The following SEPTIN9 variants were observed in gnomAD, a reference collection of about 807,000 sequenced individuals.
SEPTIN9 encodes the protein septin-9.
A neutral mutation model predicts 56.6 loss-of-function variants in SEPTIN9; 13 were observed. The observed-to-expected ratio is 0.23, with a 90% CI of 0.15 to 0.37. SEPTIN9 has a LOEUF of 0.37. Among genes scored for constraint, SEPTIN9 ranks in the 10% least tolerant of loss-of-function variants. The pLI is 1.00. For synonymous variants in SEPTIN9, 332 were observed against 334.1 expected, an observed-to-expected ratio of 0.99 and a Z score of 0.07; for missense variants, 650 against 823.1, an observed-to-expected ratio of 0.79 and a Z score of 2.57.
At chr17:77,468,147 C>T (rs1156818502) in intron 3 of SEPTIN9, among the ~76,000 whole-genome samples, 1 of 152,116 alleles carries the variant, frequency 6.6e-6, no homozygotes, top group East Asian at 1.9e-4. Flanking sequence ...CGCCTGTAAT[C>T]CCAGCTACTC....
At chr17:77,357,093 C>T (rs1175778207) in intron 2 of SEPTIN9, among the ~76,000 whole-genome samples, 1 of 152,078 alleles carries the variant, frequency 6.6e-6, no homozygotes, top group Non-Finnish European at 1.5e-5. Flanking sequence ...GGGGCTGACA[C>T]TCACTCAGTG....
intron 2 of SEPTIN9, among the ~76,000 whole-genome samples, chr17:77,384,184 T>G (rs2035249118): frequency 1.3e-5 from 2 of 152,206 alleles, no homozygotes; most frequent in Admixed American, 1.3e-4. Flanking sequence ...CTCCCTCTCC[T>G]GCCTGTGTTC....
At chr17:77,315,478 G>A (rs2032663283) in intron 2 of SEPTIN9, among the ~76,000 whole-genome samples, 1 of 152,124 alleles carries the variant, frequency 6.6e-6, no homozygotes, top group African/African-American at 2.4e-5. Flanking sequence ...AGTAGAGACG[G>A]GGTTTCACCA....
chr17:77,294,111 A>AC (rs1162527247), intron 1 of SEPTIN9, among the ~76,000 whole-genome samples: 1 of 150,856 alleles, frequency 6.6e-6, no homozygotes, highest in African/African-American at 2.4e-5. Flanking sequence ...CTCAAAAAAA[A>AC]AAAAAAAACA....
intron 3 of SEPTIN9, among the ~76,000 whole-genome samples, chr17:77,416,010 G>A (rs1449889927): frequency 6.6e-6 from 1 of 152,214 alleles, no homozygotes; most frequent in African/African-American, 2.4e-5. Context: ...TTTCAATATC[G>A]AAATGATGCA....
intron 2 of SEPTIN9, chr17:77,320,491 G>T: frequency 1.3e-6 from 1 of 778,850 alleles, no homozygotes; most frequent in Non-Finnish European, 2.2e-6. Context: ...ACGGTTCCAA[G>T]CTCGTGGGAT....
At position 77,455,328 on chromosome 17, in the gene SEPTIN9, G is replaced by A. The variant is rs7208152; in HGVS notation, c.722-26816G>A. ...ATGGCCTTCAGGAAGGGGGCCCTTC[G>A]CTCTCTGTCCCGTCGAGCCTGGCTG... On this transcript the variant is annotated intron_variant, in intron 3 of 11. Transcript: ENST00000427177. Among the ~76,000 whole-genome samples, 813 of 152,292 alleles carry A rather than the reference G, an allele frequency of 5.3e-3. 6 individuals are homozygous for A. Among genetic ancestry groups the A allele is most frequent in the African/African-American group, 0.018 (763 of 41,570 alleles).
intron 2 of SEPTIN9, among the ~76,000 whole-genome samples, chr17:77,320,902 C>T (rs1004717414): frequency 5.3e-5 from 8 of 152,322 alleles, no homozygotes; most frequent in African/African-American, 7.2e-5. Flanking sequence ...CATGTGTGTG[C>T]GTGTGTCCAT....
intron 3 of SEPTIN9, among the ~76,000 whole-genome samples, chr17:77,459,887 G>A (rs1296493942): frequency 2.6e-5 from 4 of 151,978 alleles, no homozygotes; most frequent in Non-Finnish European, 2.9e-5. Flanking sequence ...CATGTTGGTC[G>A]GGCTGGTCCC....
rs2036025130 is a variant in SEPTIN9, at chr17:77,405,183, AG to A, written c.721+2484del. On this transcript the variant is annotated intron_variant, in intron 3 of 11. Coordinates refer to ENST00000427177, the MANE Select transcript of SEPTIN9 (RefSeq NM_001113491.2). This position sits in a 1 kb window ranked among gnomAD's most constrained non-coding sequence, Gnocchi z 5.8. ...GGGATGTACAAGAACATTCTCCTCC[AG>A]GGGCAGACACAGTTTAGCCCCTAAA... The A allele has an allele frequency of 2.0e-6, 3 of 1,485,118 alleles. No individual in the cohort carries two copies. Among genetic ancestry groups the A allele is most frequent in the South Asian group, 1.2e-5 (1 of 82,888 alleles). The allele number at this position is 1,485,118 out of a possible 1,614,324, so 92.0% of individuals were successfully genotyped here. A position where few individuals can be genotyped will look rare whatever the true frequency, so the allele number is the denominator to read the frequency against.
intron 1 of SEPTIN9, among the ~76,000 whole-genome samples, chr17:77,297,859 T>C (rs72880522): frequency 0.07 from 10,615 of 152,292 alleles, 560 homozygotes; most frequent in African/African-American, 0.14. Flanking sequence ...AGAAAGTGAC[T>C]GATGGCTGCT....
At chr17:77,486,870 C>T (rs1050568528) in intron 4 of SEPTIN9, among the ~76,000 whole-genome samples, 5 of 152,232 alleles carry the variant, frequency 3.3e-5, no homozygotes, top group African/African-American at 7.2e-5. Flanking sequence ...ATGCTCACAC[C>T]AGCTCCACGG....
In SEPTIN9 at chr17:77,449,568, G is replaced by C. The variant is rs2037887200; in HGVS notation, c.722-32576G>C. On this transcript the variant is annotated intron_variant, in intron 3 of 11. Transcript: ENST00000427177. This position sits in a 1 kb window ranked among gnomAD's most constrained non-coding sequence, Gnocchi z 4.6. ...CCAAGGAAGAAGGGTTCTGCCCACG[G>C]GGAGGGAGAGGCCCACGGGGCAGGG... is the stretch of plus-strand genomic sequence containing the variant. Among the ~76,000 whole-genome samples, 1 of 152,236 alleles carries C rather than the reference G, an allele frequency of 6.6e-6. No homozygotes were observed. The highest frequency in any genetic ancestry group is 6.5e-5 in the Admixed American group (1 of 15,288).
chr17:77,397,537 C>T lies in SEPTIN9; in HGVS notation c.77-4522C>T, dbSNP rs374880338. 2.6e-5 allele frequency among the ~76,000 whole-genome samples: 4 copies of T among 152,298 alleles called. No individual in the cohort carries two copies. In the East Asian group the frequency reaches 7.7e-4, roughly 29 times the overall value. Reference sequence around the variant, plus strand: ...TTTTTGGGGGTCACTAGTCAACCCTCTACAGAACCTCAGACGAAAGTGAAT... The same window carrying T: ...TTTTTGGGGGTCACTAGTCAACCCTTTACAGAACCTCAGACGAAAGTGAAT... On this transcript the variant is annotated intron_variant, in intron 2 of 11. Coordinates refer to ENST00000427177, the MANE Select transcript of SEPTIN9 (RefSeq NM_001113491.2).
chr17:77,401,217 A>G (rs1005300755), intron 2 of SEPTIN9, among the ~76,000 whole-genome samples: 8 of 152,192 alleles, frequency 5.3e-5, no homozygotes, highest in African/African-American at 1.2e-4. Context: ...AAGCGGCTGC[A>G]GATGTGATGA....
intron 2 of SEPTIN9, among the ~76,000 whole-genome samples, chr17:77,370,507 T>C (rs1335796972): frequency 6.6e-6 from 1 of 152,198 alleles, no homozygotes; most frequent in Non-Finnish European, 1.5e-5. Flanking sequence ...AGGTTCCAAG[T>C]GGGCATATCT....
chr17:77,457,938 G>T (rs2038287414), intron 3 of SEPTIN9, among the ~76,000 whole-genome samples: 1 of 152,106 alleles, frequency 6.6e-6, no homozygotes, highest in South Asian at 2.1e-4. Context: ...CCTAACTCTG[G>T]GCCACGGCAG....
chr17:77,475,348 G>A lies in SEPTIN9; in HGVS notation c.722-6796G>A, dbSNP rs184459529. 7.0e-7 allele frequency: 1 copy of A among 1,432,946 alleles called. No individual in the cohort carries two copies. Among genetic ancestry groups the A allele is most frequent in the Admixed American group, 2.9e-5 (1 of 34,880 alleles). 88.8% of individuals were successfully genotyped at this position (1,432,946 alleles called of 1,614,324 possible). ...GCAGGGCTTCCCCAGGATTCAGCAGGGATCTGAAGGACTTTGCAGGCACCC... is the reference window on the plus strand; with the variant it reads ...GCAGGGCTTCCCCAGGATTCAGCAGAGATCTGAAGGACTTTGCAGGCACCC... On this transcript the variant is annotated intron_variant, in intron 3 of 11. Coordinates refer to ENST00000427177, the MANE Select transcript of SEPTIN9 (RefSeq NM_001113491.2). The surrounding 1 kb of genome is among the most constrained non-coding windows in gnomAD (Gnocchi z 4.6).
At chr17:77,488,896 CGGGTGCCCT>C in intron 7 of SEPTIN9, 32 bp downstream of exon 7, 1 of 1,610,614 alleles carries the variant, frequency 6.2e-7, no homozygotes, top group Non-Finnish European at 8.5e-7. Flanking sequence ...GTCCTCATGC[CGGGTGCCCT>C]GGGTTCCCTC....
Sources: allele counts gnomAD v4.1 joint callset (sites outside exome capture counted in the v4.1 genomes callset), GRCh38; gene constraint gnomAD v4.1.1; non-coding constraint Gnocchi (gnomAD v3.1); transcripts MANE v1.5; gene names NCBI Gene and HGNC (gene_info 2026-07-23, HGNC 2026-07-21).